Variants in CBLN2 observed in about 807,000 individuals in gnomAD.
CBLN2 encodes cerebellin-2.
A neutral mutation model predicts 15.0 loss-of-function variants in CBLN2; 7 were observed. That is an observed-to-expected ratio of 0.47 (90% CI 0.27 to 0.88). The LOEUF (loss-of-function observed/expected upper bound fraction) is 0.88. Ranked by LOEUF, CBLN2 falls within the 40% of genes least tolerant of loss-of-function variation. The probability of loss-of-function intolerance (pLI) is 0.14; values close to 1 mark genes in which losing one functional copy is unlikely to be tolerated. For missense variants in CBLN2, 242 were observed against 304.5 expected (o/e 0.79, Z 1.53); for synonymous variants, 149 against 135.2 (o/e 1.10, Z -0.71).
intron 1 of CBLN2, among the ~76,000 whole-genome samples, chr18:72,604,195 C>T (rs1242572348): frequency 6.6e-6 from 1 of 152,190 alleles, no homozygotes; most frequent in East Asian, 1.9e-4. Context: ...ACACGGGCTC[C>T]TCCTCAGACC....
At chr18:72,634,563 C>T (rs187566720) in intron 1 of CBLN2, among the ~76,000 whole-genome samples, 12 of 152,088 alleles carry the variant, frequency 7.9e-5, no homozygotes, top group South Asian at 4.1e-4. Context: ...ATGTGATGGA[C>T]GTGCAGATAA....
At chr18:72,570,109 C>T (rs930789720) in intron 1 of CBLN2, among the ~76,000 whole-genome samples, 1 of 152,148 alleles carries the variant, frequency 6.6e-6, no homozygotes, top group Non-Finnish European at 1.5e-5. Context: ...AACATTGACT[C>T]ATCAAATCCT....
chr18:72,623,570 A>G (rs1457105876), intron 1 of CBLN2, among the ~76,000 whole-genome samples: 1 of 152,076 alleles, frequency 6.6e-6, no homozygotes, highest in Non-Finnish European at 1.5e-5. Context: ...AAGAAGCCCT[A>G]AGAGCTGAAG....
At chr18:72,559,097 T>G (rs1679687219) in intron 1 of CBLN2, among the ~76,000 whole-genome samples, 1 of 152,096 alleles carries the variant, frequency 6.6e-6, no homozygotes, top group Non-Finnish European at 1.5e-5. Flanking sequence ...ATAAAGGATA[T>G]AAAGTACACC....
At chr18:72,554,600 A>G (rs1165197772) in intron 1 of CBLN2, among the ~76,000 whole-genome samples, 6 of 152,036 alleles carry the variant, frequency 3.9e-5, no homozygotes, top group African/African-American at 1.5e-4. Context: ...AAAGTGGTTC[A>G]TATTAAATAA....
At chr18:72,566,144 A>G (rs2069293688) in intron 1 of CBLN2, among the ~76,000 whole-genome samples, 1 of 152,204 alleles carries the variant, frequency 6.6e-6, no homozygotes, top group Non-Finnish European at 1.5e-5. Context: ...TAGAACAGCT[A>G]AAATTAAAAA....
intron 1 of CBLN2, among the ~76,000 whole-genome samples, chr18:72,562,176 T>C (rs1300197080): frequency 2.6e-5 from 4 of 152,116 alleles, no homozygotes; most frequent in Non-Finnish European, 5.9e-5. Context: ...ATTGAGCGTA[T>C]ATGTGTGATA....
chr18:72,620,792 C>T (rs1336546162), intron 1 of CBLN2, among the ~76,000 whole-genome samples: 1 of 152,166 alleles, frequency 6.6e-6, no homozygotes, highest in Non-Finnish European at 1.5e-5. Flanking sequence ...CTTCCAACAA[C>T]TTTTGATATT....
chr18:72,559,685 C>T (rs1598998380), intron 1 of CBLN2, among the ~76,000 whole-genome samples: 1 of 152,206 alleles, frequency 6.6e-6, no homozygotes, highest in Non-Finnish European at 1.5e-5. Context: ...AATGAATTCA[C>T]CGCTAACATA....
Position 72,542,208 on chromosome 18 carries a change from C to A in CBLN2, c.-48G>T, listed in dbSNP as rs1413750415. On this transcript the variant is annotated 5_prime_UTR_variant, in exon 3 of 5. Transcript: ENST00000269503. ...GCGGGGGTGGAGGCCGGCGCCGGCGCGAGCGGCGCGGAAGGGCGCGAAGGA... is the reference window on the plus strand; with the variant it reads ...GCGGGGGTGGAGGCCGGCGCCGGCGAGAGCGGCGCGGAAGGGCGCGAAGGA... 1.7e-6 allele frequency: 2 copies of A among 1,158,650 alleles called. No individual in the cohort carries two copies. 71.8% of individuals were successfully genotyped at this position (1,158,650 alleles called of 1,614,324 possible).
intron 1 of CBLN2, among the ~76,000 whole-genome samples, chr18:72,551,419 C>A (rs937857571): frequency 2.6e-5 from 4 of 152,082 alleles, no homozygotes; most frequent in Admixed American, 1.3e-4. Flanking sequence ...ACATTTTAAT[C>A]CTGTGCTTCC....
At chr18:72,616,248 T>C (rs1388387703) in intron 1 of CBLN2, among the ~76,000 whole-genome samples, 1 of 152,214 alleles carries the variant, frequency 6.6e-6, no homozygotes, top group African/African-American at 2.4e-5. Context: ...CAGGAATCCC[T>C]TGTTTCATAA....
chr18:72,589,137 G>T (rs534027554), intron 1 of CBLN2, among the ~76,000 whole-genome samples: 1 of 152,190 alleles, frequency 6.6e-6, no homozygotes, highest in East Asian at 1.9e-4. Flanking sequence ...CGTCAATTGC[G>T]GCTGTTACTG....
At chr18:72,570,369 C>A (rs1180680765) in intron 1 of CBLN2, among the ~76,000 whole-genome samples, 1 of 148,584 alleles carries the variant, frequency 6.7e-6, no homozygotes, top group African/African-American at 2.5e-5. Context: ...TCCCAGGTAG[C>A]TGGAACTACA....
chr18:72,589,699 G>C (rs892323783), intron 1 of CBLN2, among the ~76,000 whole-genome samples: 1 of 152,216 alleles, frequency 6.6e-6, no homozygotes, highest in Non-Finnish European at 1.5e-5. Flanking sequence ...TAATGAGGTA[G>C]AGACAAGACA....
Position 72,542,105 on chromosome 18 carries a change from C to G in CBLN2, c.56G>C (p.Arg19Pro). Reference sequence around the variant, plus strand: ...GCCGCCCGGCTCGCGCAGCGCCCCCCGGCGCCCGGGCATCATCAGCCGCAG... The same window carrying G: ...GCCGCCCGGCTCGCGCAGCGCCCCCGGGCGCCCGGGCATCATCAGCCGCAG... ...LGLRLMMPGR[R>P]GALREPGGCG... is the part of the protein sequence containing the mutation. The change falls in exon 3 of 5, where the codon CGG becomes CCG. Residue 19 changes from arginine to proline, a missense_variant. Physicochemically the swap from Arg to Pro is moderately radical, Grantham distance 103. Around this residue, in one of 4 missense-constraint regions of CBLN2, gnomAD observed 96 missense variants for 83.8 expected, o/e 1.15. Transcript: ENST00000269503. The G allele has an allele frequency of 6.9e-7, 1 of 1,459,748 alleles. No homozygotes were observed. Among genetic ancestry groups the G allele is most frequent in the Non-Finnish European group, 9.0e-7 (1 of 1,116,262 alleles). 90.4% of individuals were successfully genotyped at this position (1,459,748 alleles called of 1,614,324 possible).
Position 72,542,057 on chromosome 18 carries a change from G to C in CBLN2, c.104C>G (p.Ala35Gly). ...PGGCGSCLGVALALLLLLLPA... is the reference protein window; with the variant it reads ...PGGCGSCLGVGLALLLLLLPA... ...CAGTAGCAGCAACAGCAGGGCCAGCGCCACCCCCAGGCAGGATCCGCAGCC... is the reference window on the plus strand; with the variant it reads ...CAGTAGCAGCAACAGCAGGGCCAGCCCCACCCCCAGGCAGGATCCGCAGCC... Residue 35 changes from alanine to glycine, a missense_variant, in exon 3 of 5, where the codon GCG becomes GGG. Around this residue, in one of 4 missense-constraint regions of CBLN2, gnomAD observed 96 missense variants for 83.8 expected, o/e 1.15. Coordinates refer to ENST00000269503, the MANE Select transcript of CBLN2 (RefSeq NM_182511.4). 1 of 1,580,102 alleles carries C rather than the reference G, an allele frequency of 6.3e-7. No homozygotes were observed. The highest frequency in any genetic ancestry group is 8.5e-7 in the Non-Finnish European group (1 of 1,173,034).
chr18:72,547,754 G>A (rs916996583), upstream of CBLN2, among the ~76,000 whole-genome samples: 17 of 151,914 alleles, frequency 1.1e-4, no homozygotes, highest in Middle Eastern at 3.2e-3. Context: ...TTTATATGAG[G>A]TGATATATCA....
chr18:72,624,716 G>A (rs28479014), intron 1 of CBLN2, among the ~76,000 whole-genome samples: 1,559 of 152,234 alleles, frequency 0.01, 30 homozygotes, highest in African/African-American at 0.036. Flanking sequence ...AATTAAAAAT[G>A]CTTAATTTTG....
Sources: gnomAD v4.1 joint callset for allele counts (sites outside exome capture counted in the v4.1 genomes callset) on GRCh38, gnomAD v4.1.1 for gene constraint, gnomAD v4.1.1 regional missense constraint, MANE v1.5 for transcripts, NCBI Gene and HGNC (gene_info 2026-07-23, HGNC 2026-07-21) for gene names.